ZFHX4: variants seen among roughly 807,000 people sequenced by gnomAD.
The protein encoded by ZFHX4 is zinc finger homeobox 4.
Under a neutral mutation model 267.6 loss-of-function variants are expected in ZFHX4, and 56 were observed. The ratio of observed to expected loss-of-function variants is 0.21; its 90% CI spans 0.17 to 0.26. The LOEUF is 0.26. ZFHX4 is among the 10% of genes least tolerant of loss of function. ZFHX4 has a pLI of 1.00. For synonymous variants in ZFHX4, 1,778 were observed against 1,665.6 expected (o/e 1.07, Z -1.64); for missense variants, 4,332 against 4,420.0 (o/e 0.98, Z 0.56).
chr8:76,809,585 TA>T, intron 4 of ZFHX4, among the ~76,000 whole-genome samples: 1 of 152,176 alleles, frequency 6.6e-6, no homozygotes, highest in Non-Finnish European at 1.5e-5. Context: ...AGAAATAGTC[TA>T]AAAACTGTAG....
intron 3 of ZFHX4, chr8:76,733,263 A>G (rs923851898): frequency 5.9e-5 from 9 of 152,264 alleles, no homozygotes; most frequent in African/African-American, 1.9e-4. Context: ...AGTTTTGCCA[A>G]TCGTTTTTTT....
chr8:76,856,989 C>A (rs890740721), intron 10 of ZFHX4, among the ~76,000 whole-genome samples: 1 of 152,006 alleles, frequency 6.6e-6, no homozygotes, highest in Non-Finnish European at 1.5e-5. Flanking sequence ...TTACTTCATG[C>A]CTTTATTCCC....
intron 3 of ZFHX4, among the ~76,000 whole-genome samples, chr8:76,760,766 A>G (rs1256430459): frequency 6.6e-6 from 1 of 151,886 alleles, no homozygotes; most frequent in Non-Finnish European, 1.5e-5. Flanking sequence ...CTTCTCTACA[A>G]AAAAATTAAA....
intron 4 of ZFHX4, among the ~76,000 whole-genome samples, chr8:76,816,658 C>T (rs558684180): frequency 3.4e-5 from 5 of 147,242 alleles, no homozygotes; most frequent in Non-Finnish European, 7.4e-5. Context: ...TGCAGTGGCA[C>T]GAACTCGGCT....
intron 1 of ZFHX4, among the ~76,000 whole-genome samples, chr8:76,700,410 G>A (rs1808073334): frequency 6.6e-6 from 1 of 152,028 alleles, no homozygotes. Context: ...AAGAGGGCTG[G>A]GACAATCTCA....
At chr8:76,840,562 A>G (rs1812208455) in intron 5 of ZFHX4, among the ~76,000 whole-genome samples, 1 of 152,034 alleles carries the variant, frequency 6.6e-6, no homozygotes, top group Non-Finnish European at 1.5e-5. Flanking sequence ...GTGCCTTCAT[A>G]ATTTTCTTTT....
At chr8:76,782,126 CCTA>C in intron 4 of ZFHX4, 1 of 115,840 alleles carries the variant, frequency 8.6e-6, no homozygotes, top group South Asian at 6.3e-5. Context: ...TTTTTTTTTG[CCTA>C]TTGTTTCTTC....
At chr8:76,765,965 A>G (rs534565990) in intron 3 of ZFHX4, among the ~76,000 whole-genome samples, 1 of 152,114 alleles carries the variant, frequency 6.6e-6, no homozygotes, top group Non-Finnish European at 1.5e-5. Context: ...ATCACAGGAG[A>G]TGTATGATAT....
intron 3 of ZFHX4, among the ~76,000 whole-genome samples, chr8:76,739,411 A>G (rs1219784453): frequency 6.6e-6 from 1 of 152,162 alleles, no homozygotes; most frequent in African/African-American, 2.4e-5. Context: ...CCTTTGGAAT[A>G]TTATCTAAGA....
intron 3 of ZFHX4, among the ~76,000 whole-genome samples, chr8:76,716,801 G>A (rs1808587145): frequency 1.3e-5 from 2 of 152,130 alleles, no homozygotes; most frequent in Admixed American, 1.3e-4. Flanking sequence ...GTATGTCCTG[G>A]GATGACAGAG....
rs770424757 is a variant in ZFHX4 at position 76,850,856 on chromosome 8, A to T, written c.3965-30A>T. ...TTTAAGGAGTAGGTTTTCTTATTGTAAGAGAGATGTTTGTGCTTTTTCCTA... is the reference window on the plus strand; with the variant it reads ...TTTAAGGAGTAGGTTTTCTTATTGTTAGAGAGATGTTTGTGCTTTTTCCTA... On this transcript the variant is annotated intron_variant, in intron 9 of 10. Transcript: ENST00000651372. 3.0e-5 allele frequency: 45 copies of T among 1,511,868 alleles called. 1 individual carries two copies. Among genetic ancestry groups the T allele is most frequent in the Non-Finnish European group, 4.0e-5 (45 of 1,130,284 alleles). 93.7% of individuals were successfully genotyped at this position (1,511,868 alleles called of 1,614,324 possible). A position where few individuals can be genotyped will look rare whatever the true frequency, so the allele number is the denominator to read the frequency against.
intron 4 of ZFHX4, among the ~76,000 whole-genome samples, chr8:76,813,970 T>C (rs1811439423): frequency 6.6e-6 from 1 of 152,220 alleles, no homozygotes; most frequent in Admixed American, 6.5e-5. Flanking sequence ...TACTTTTTGC[T>C]TTTATATTAA....
intron 1 of ZFHX4, among the ~76,000 whole-genome samples, chr8:76,695,246 G>T (rs10504634): frequency 1.4e-4 from 22 of 152,166 alleles, no homozygotes; most frequent in South Asian, 1.2e-3. Flanking sequence ...TTGTATGCAG[G>T]TTCATCAATT....
In ZFHX4 at chr8:76,686,395, C is replaced by T. The variant is rs1023842175; in HGVS notation, c.-47+4775C>T. On this transcript the variant is annotated intron_variant, in intron 1 of 10. Coordinates refer to ENST00000651372, the MANE Select transcript of ZFHX4 (RefSeq NM_024721.5). ...TATATGATTTTTGGACTGGTGGCCA[C>T]GCTTCTGCTTAATTTGCAGAACTAC... is the stretch of plus-strand genomic sequence containing the variant. Among the ~76,000 whole-genome samples, 41 of 152,162 alleles carry T rather than the reference C, an allele frequency of 2.7e-4. 1 individual carries two copies. The highest frequency in any genetic ancestry group is 1.9e-4 in the East Asian group (1 of 5,194).
chr8:76,826,479 CA>C (rs1278888769), intron 4 of ZFHX4, among the ~76,000 whole-genome samples: 8 of 152,080 alleles, frequency 5.3e-5, no homozygotes, highest in African/African-American at 1.9e-4. Context: ...AAAATAGTTT[CA>C]AAAGGCTTTT....
intron 3 of ZFHX4, among the ~76,000 whole-genome samples, chr8:76,760,960 A>C (rs1005178992): frequency 6.6e-6 from 1 of 151,546 alleles, no homozygotes; most frequent in Non-Finnish European, 1.5e-5. Context: ...AGAGAAAAAA[A>C]AGTTAGCCTG....
chr8:76,842,566 A>G, intron 5 of ZFHX4, 89 bp from the exon 6 acceptor site: 1 of 855,966 alleles, frequency 1.2e-6, no homozygotes, highest in Non-Finnish European at 1.8e-6. Flanking sequence ...TTCATAAATA[A>G]CAAAGTTTTC....
intron 6 of ZFHX4, 85 bp downstream of exon 6, chr8:76,842,856 C>A: frequency 1.1e-6 from 1 of 911,918 alleles, no homozygotes; most frequent in Non-Finnish European, 1.7e-6. Flanking sequence ...CCCCACCCCA[C>A]AAAACTTATT....
intron 3 of ZFHX4, among the ~76,000 whole-genome samples, chr8:76,727,900 G>A (rs1808895367): frequency 6.6e-6 from 1 of 152,108 alleles, no homozygotes. Context: ...GGTAATCCCT[G>A]ATAGCTGAAA....
Sources: allele counts gnomAD v4.1 joint callset (sites outside exome capture counted in the v4.1 genomes callset), GRCh38; gene constraint gnomAD v4.1.1; transcripts MANE v1.5; gene names NCBI Gene and HGNC (gene_info 2026-07-23, HGNC 2026-07-21).